Variants in BNC2 observed in about 807,000 individuals in gnomAD.
BNC2 encodes the protein basonuclin zinc finger protein 2, also known as zinc finger protein basonuclin-2.
Under a neutral mutation model 76.3 loss-of-function variants are expected in BNC2, and 20 were observed. The ratio of observed to expected loss-of-function variants is 0.26; its 90% CI spans 0.18 to 0.38. BNC2 has a LOEUF of 0.38. BNC2 is among the 10% of genes least tolerant of loss of function. BNC2 has a pLI of 1.00. For missense variants in BNC2, 1,382 were observed against 1,399.8 expected, an observed-to-expected ratio of 0.99 and a Z score of 0.20; for synonymous variants, 582 against 514.8, an observed-to-expected ratio of 1.13 and a Z score of -1.77.
chr9:16,549,012 C>T (rs1339837665), intron 5 of BNC2, among the ~76,000 whole-genome samples: 1 of 152,196 alleles, frequency 6.6e-6, no homozygotes, highest in African/African-American at 2.4e-5. Context: ...GGATCCTTGA[C>T]CGATGTGCCA....
intron 5 of BNC2, among the ~76,000 whole-genome samples, chr9:16,523,244 G>A (rs1817676545): frequency 6.6e-6 from 1 of 152,020 alleles, no homozygotes; most frequent in South Asian, 2.1e-4. Context: ...GGCCGAGGTG[G>A]GTGGATCATG....
chr9:16,790,076 T>G (rs10115109), intron 1 of BNC2, among the ~76,000 whole-genome samples: 14,652 of 152,248 alleles, frequency 0.096, 962 homozygotes, highest in Admixed American at 0.22. Context: ...CTCGGCTCAC[T>G]GCAAGCTCCG....
At chr9:16,564,242 A>G (rs1464023432) in intron 4 of BNC2, among the ~76,000 whole-genome samples, 3 of 152,220 alleles carry the variant, frequency 2.0e-5, no homozygotes, top group Non-Finnish European at 2.9e-5. Flanking sequence ...GTAACTCAGC[A>G]TATGAGAATG....
At chr9:16,819,107 G>C (rs1173919726) in intron 1 of BNC2, among the ~76,000 whole-genome samples, 1 of 152,158 alleles carries the variant, frequency 6.6e-6, no homozygotes, top group Non-Finnish European at 1.5e-5. Flanking sequence ...TAAGAAGTGA[G>C]GTGAAGTCAA....
chr9:16,853,185 A>G (rs369652522), intron 1 of BNC2, among the ~76,000 whole-genome samples: 3 of 152,164 alleles, frequency 2.0e-5, no homozygotes, highest in Admixed American at 1.3e-4. Context: ...TGGGAGGCCC[A>G]GGCAGGCGGA....
intron 5 of BNC2, among the ~76,000 whole-genome samples, chr9:16,438,162 T>C (rs1327991018): frequency 6.6e-6 from 1 of 152,176 alleles, no homozygotes; most frequent in East Asian, 1.9e-4. Flanking sequence ...GGCAATTTCA[T>C]AAGGAAGAGT....
At chr9:16,484,164 T>C (rs1822114104) in intron 5 of BNC2, among the ~76,000 whole-genome samples, 1 of 152,164 alleles carries the variant, frequency 6.6e-6, no homozygotes. Flanking sequence ...ACTTATTAAC[T>C]CTGTCTCTTG....
chr9:16,457,494 C>T (rs1174591213), intron 5 of BNC2, among the ~76,000 whole-genome samples: 22 of 152,150 alleles, frequency 1.4e-4, no homozygotes, highest in Non-Finnish European at 3.1e-4. Flanking sequence ...ACCAAGTGCA[C>T]GCTTCCAGTG....
intron 2 of BNC2, among the ~76,000 whole-genome samples, chr9:16,734,396 T>C (rs980990395): frequency 7.2e-5 from 11 of 152,188 alleles, no homozygotes; most frequent in African/African-American, 2.7e-4. Context: ...CAGATTCAAA[T>C]AGGAAGGAAA....
In BNC2 at chr9:16,823,575, C is replaced by T. The variant is rs553327938; in HGVS notation, c.3+47071G>A. ...CTGAGATCACACCACTGCACTCTAG[C>T]CTGGGCAACAGAGTGAGATCCTGTT... On this transcript the variant is annotated intron_variant, in intron 1 of 6. Coordinates refer to ENST00000380672, the MANE Select transcript of BNC2 (RefSeq NM_017637.6). Among the ~76,000 whole-genome samples, 78 of 151,750 alleles carry T rather than the reference C, an allele frequency of 5.1e-4. 2 individuals are homozygous for T. In the South Asian group the frequency reaches 0.014, roughly 27 times the overall value.
At chr9:16,573,504 G>C (rs1819390735) in intron 4 of BNC2, among the ~76,000 whole-genome samples, 1 of 146,722 alleles carries the variant, frequency 6.8e-6, no homozygotes, top group Admixed American at 6.6e-5. Flanking sequence ...CATAACAGTG[G>C]CTTCCTTATT....
intron 3 of BNC2, among the ~76,000 whole-genome samples, chr9:16,586,412 A>C (rs1819771975): frequency 6.6e-6 from 1 of 152,130 alleles, no homozygotes; most frequent in Non-Finnish European, 1.5e-5. Flanking sequence ...TTTTAACTCT[A>C]CAATCCAGAT....
At chr9:16,601,526 T>C (rs1427508623) in intron 3 of BNC2, among the ~76,000 whole-genome samples, 1 of 152,166 alleles carries the variant, frequency 6.6e-6, no homozygotes, top group Non-Finnish European at 1.5e-5. Context: ...GAGGGCCTCA[T>C]GAGCTTTTCC....
chr9:16,796,446 A>C (rs1817649467), intron 1 of BNC2, among the ~76,000 whole-genome samples: 1 of 152,116 alleles, frequency 6.6e-6, no homozygotes, highest in South Asian at 2.1e-4. Context: ...AAGGAAGTAT[A>C]GGAGACTGCT....
chr9:16,637,944 G>A (rs995007805), intron 3 of BNC2, among the ~76,000 whole-genome samples: 4 of 152,182 alleles, frequency 2.6e-5, no homozygotes, highest in African/African-American at 9.7e-5. Context: ...ATTTTGGAGG[G>A]AACATGCAAA....
At chr9:16,599,550 GA>G (rs1820186920) in intron 3 of BNC2, among the ~76,000 whole-genome samples, 1 of 152,280 alleles carries the variant, frequency 6.6e-6, no homozygotes, top group East Asian at 1.9e-4. Flanking sequence ...TTGGGAGGCC[GA>G]GGTAGGTGGA....
At chr9:16,615,376 G>C (rs1448478904) in intron 3 of BNC2, among the ~76,000 whole-genome samples, 1 of 152,092 alleles carries the variant, frequency 6.6e-6, no homozygotes, top group Non-Finnish European at 1.5e-5. Flanking sequence ...TAAGAGTTTT[G>C]AGAGATGATA....
At chr9:16,479,290 A>T (rs1170721548) in intron 5 of BNC2, among the ~76,000 whole-genome samples, 1 of 151,982 alleles carries the variant, frequency 6.6e-6, no homozygotes, top group South Asian at 2.1e-4. Flanking sequence ...GAAAAAGAAA[A>T]GAAAAAATTG....
chr9:16,779,107 A>C (rs1281988720), intron 1 of BNC2, among the ~76,000 whole-genome samples: 3 of 98,588 alleles, frequency 3.0e-5, no homozygotes, highest in African/African-American at 1.1e-4. Flanking sequence ...CATCTCTACA[A>C]AAATTGTAAA....
Sources: gnomAD v4.1 joint callset for allele counts (sites outside exome capture counted in the v4.1 genomes callset) on GRCh38, gnomAD v4.1.1 for gene constraint, MANE v1.5 for transcripts, NCBI Gene and HGNC (gene_info 2026-07-23, HGNC 2026-07-21) for gene names.